The following PDE4B variants were observed in gnomAD, a reference collection of about 807,000 sequenced individuals.
PDE4B encodes 3',5'-cyclic-AMP phosphodiesterase 4B.
In PDE4B, 20 loss-of-function variants were observed where a neutral mutation model predicts 82.2. That is an observed-to-expected ratio of 0.24 (90% CI 0.17 to 0.35). The LOEUF is 0.35. Ranked by LOEUF, PDE4B falls within the 10% of genes least tolerant of loss-of-function variation. The pLI is 1.00. For missense variants in PDE4B, 655 were observed against 907.2 expected (o/e 0.72, Z 3.57); for synonymous variants, 320 against 318.9 (o/e 1.00, Z -0.04).
intron 1 of PDE4B, among the ~76,000 whole-genome samples, chr1:65,823,469 G>T (rs1645978952): frequency 6.7e-6 from 1 of 150,354 alleles, no homozygotes; most frequent in African/African-American, 2.4e-5. Context: ...GAGAGTGACT[G>T]TCTTTATGTC....
chr1:66,336,742 G>C (rs1660549171), intron 8 of PDE4B, among the ~76,000 whole-genome samples: 1 of 152,118 alleles, frequency 6.6e-6, no homozygotes, highest in African/African-American at 2.4e-5. Flanking sequence ...CTTCTCTTAA[G>C]GCATTGTGAA....
intron 1 of PDE4B, among the ~76,000 whole-genome samples, chr1:65,882,704 G>GTA (rs1646722808): frequency 6.6e-6 from 1 of 151,916 alleles, no homozygotes; most frequent in Non-Finnish European, 1.5e-5. Context: ...GTGTGTGTGT[G>GTA]TGTACAGGGA....
At chr1:66,086,664 C>A (rs909788667) in intron 3 of PDE4B, among the ~76,000 whole-genome samples, 7 of 152,154 alleles carry the variant, frequency 4.6e-5, no homozygotes, top group African/African-American at 1.7e-4. Flanking sequence ...TTTCTGCGAA[C>A]CTTAACCCAA....
chr1:65,984,876 G>A (rs558225754), intron 3 of PDE4B, among the ~76,000 whole-genome samples: 2 of 152,088 alleles, frequency 1.3e-5, no homozygotes, highest in African/African-American at 4.8e-5. Context: ...ATATTGCAGT[G>A]TTTTGATTAT....
chr1:65,991,937 G>C (rs1379386926), intron 3 of PDE4B, among the ~76,000 whole-genome samples: 1 of 152,142 alleles, frequency 6.6e-6, no homozygotes, highest in Non-Finnish European at 1.5e-5. Context: ...GAGCTTTGCT[G>C]TCAAAGTGGC....
Position 66,364,910 on chromosome 1 carries a change from A to G in PDE4B, c.1285-757A>G, listed in dbSNP as rs3767310. Among the ~76,000 whole-genome samples, 34 of 152,322 alleles carry G rather than the reference A, an allele frequency of 2.2e-4. 1 individual carries two copies. In the East Asian group the frequency reaches 6.4e-3, roughly 29 times the overall value. ...ATAGGAGAGGTGGAAACCCACCTCA[A>G]GCTGGCATTTGAAGGACCAGAAGAT... On this transcript the variant is annotated intron_variant, in intron 12 of 16. Coordinates refer to ENST00000341517, the MANE Select transcript of PDE4B (RefSeq NM_002600.4).
At chr1:66,246,099 T>C (rs1653290577) in intron 3 of PDE4B, among the ~76,000 whole-genome samples, 1 of 152,226 alleles carries the variant, frequency 6.6e-6, no homozygotes, top group Admixed American at 6.5e-5. Flanking sequence ...TCTGAGGTTG[T>C]AAAGAAATTA....
chr1:66,215,910 C>T (rs1181457161), intron 3 of PDE4B, among the ~76,000 whole-genome samples: 2 of 152,090 alleles, frequency 1.3e-5, no homozygotes, highest in Non-Finnish European at 2.9e-5. Flanking sequence ...AATGTTGAGC[C>T]AGTGGTGAGG....
intron 3 of PDE4B, among the ~76,000 whole-genome samples, chr1:66,190,391 GT>G (rs1046388316): frequency 3.9e-5 from 6 of 152,200 alleles, no homozygotes; most frequent in Non-Finnish European, 5.9e-5. Flanking sequence ...GTCTGCAGAG[GT>G]TTTTGCTGCC....
chr1:66,354,959 T>C (rs1570759130), intron 8 of PDE4B: 1 of 1,412,722 alleles, frequency 7.1e-7, no homozygotes, highest in Non-Finnish European at 9.7e-7. Flanking sequence ...GTGTGTTTTT[T>C]TGTGAAGTAC....
At chr1:66,024,141 G>T (rs1052554756) in intron 3 of PDE4B, among the ~76,000 whole-genome samples, 1 of 152,072 alleles carries the variant, frequency 6.6e-6, no homozygotes. Flanking sequence ...CTCCATTAAT[G>T]TGAAGTAGAG....
intron 3 of PDE4B, among the ~76,000 whole-genome samples, chr1:66,144,884 A>G (rs1433830396): frequency 6.6e-6 from 1 of 152,230 alleles, no homozygotes; most frequent in East Asian, 1.9e-4. Context: ...ACATACCACC[A>G]GTGGACAGTT....
intron 3 of PDE4B, among the ~76,000 whole-genome samples, chr1:66,164,755 C>CTTTTT (rs145224852): frequency 2.0e-3 from 178 of 87,860 alleles, no homozygotes; most frequent in Non-Finnish European, 2.9e-3. Context: ...CTTTTCTTTT[C>CTTTTT]TTTTTTTTTT....
intron 3 of PDE4B, among the ~76,000 whole-genome samples, chr1:66,051,041 A>G (rs1052900056): frequency 3.0e-4 from 46 of 152,160 alleles, no homozygotes; most frequent in Non-Finnish European, 1.2e-4. Context: ...GGGTACAAAG[A>G]AATGATGACT....
chr1:66,164,818 G>T (rs1413131751), intron 3 of PDE4B, among the ~76,000 whole-genome samples: 1 of 143,590 alleles, frequency 7.0e-6, no homozygotes, highest in Non-Finnish European at 1.5e-5. Flanking sequence ...GTGCAGTGGC[G>T]CGCAATCTCA....
intron 8 of PDE4B, among the ~76,000 whole-genome samples, chr1:66,339,934 G>A (rs757887398): frequency 6.6e-6 from 1 of 151,578 alleles, no homozygotes; most frequent in Non-Finnish European, 1.5e-5. Context: ...AACCAAGGGC[G>A]ATGGTGCTTG....
At chr1:66,098,582 A>G (rs549544442) in intron 3 of PDE4B, among the ~76,000 whole-genome samples, 1 of 152,268 alleles carries the variant, frequency 6.6e-6, no homozygotes, top group Non-Finnish European at 1.5e-5. Context: ...GACAGTTCAA[A>G]ACATGGGCAC....
In PDE4B at chr1:66,116,407, C is replaced by A. The variant is rs188970329; in HGVS notation, c.282-131053C>A. Among the ~76,000 whole-genome samples the A allele has an allele frequency of 1.4e-3, 213 of 152,262 alleles. 1 individual carries two copies. Among genetic ancestry groups the A allele is most frequent in the Admixed American group, 7.6e-3 (116 of 15,298 alleles). ...ATTCAACTAGGTACTTTGTGCTGGG[C>A]TCCCTTCCTCCCCCCAACTCCCACC... On this transcript the variant is annotated intron_variant, in intron 3 of 16. Transcript: ENST00000341517.
At chr1:66,278,193 G>C (rs779578138) in intron 7 of PDE4B, among the ~76,000 whole-genome samples, 2 of 152,322 alleles carry the variant, frequency 1.3e-5, no homozygotes, top group Non-Finnish European at 2.9e-5. Context: ...GCAATAAATT[G>C]TAACTAAAAG....
Sources: allele counts gnomAD v4.1 joint callset (sites outside exome capture counted in the v4.1 genomes callset), GRCh38; gene constraint gnomAD v4.1.1; transcripts MANE v1.5; gene names NCBI Gene and HGNC (gene_info 2026-07-23, HGNC 2026-07-21).